Variants in ZNF408 observed in about 807,000 individuals in gnomAD.
ZNF408 encodes the protein PR domain zinc finger protein 17.
In ZNF408, 24 loss-of-function variants were observed where a neutral mutation model predicts 27.6. That is an observed-to-expected ratio of 0.87 (90% CI 0.63 to 1.22). The LOEUF (loss-of-function observed/expected upper bound fraction) is 1.22, where lower values mean the gene tolerates loss of function less well. ZNF408 is among the 50% of genes most tolerant of loss of function. The pLI, the probability that ZNF408 is intolerant of heterozygous loss-of-function variation, is 0.00. For synonymous variants in ZNF408, 410 were observed against 396.1 expected, an observed-to-expected ratio of 1.04 and a Z score of -0.42; for missense variants, 897 against 949.0, an observed-to-expected ratio of 0.95 and a Z score of 0.72.
chr11:46,702,518 G>C lies in ZNF408; in HGVS notation c.331-186G>C, dbSNP rs12574918. On this transcript the variant is annotated intron_variant, in intron 2 of 4. Transcript: ENST00000311764. ...CCCTTGGGAGGGAGGTGAGGAGACA[G>C]ACTTTTTGGTCCTTACTGAATGAAG... Among the ~76,000 whole-genome samples the C allele has an allele frequency of 0.14, 20,715 of 152,228 alleles. 1,425 individuals carry two copies. Among genetic ancestry groups the C allele is most frequent in the Non-Finnish European group, 0.16 (10,777 of 68,014 alleles).
At chr11:46,701,805 T>C (rs2064710330) in intron 2 of ZNF408, 129 bp downstream of exon 2, 2 of 1,202,512 alleles carry the variant, frequency 1.7e-6, no homozygotes, top group Non-Finnish European at 2.2e-6. Context: ...GTCCCTTCTC[T>C]TCAGGACTGT....
Position 46,705,633 on chromosome 11 carries a change from T to G in ZNF408, c.1933T>G (p.Ser645Ala), listed in dbSNP as rs1480606897. ...CSPPSVPSAA[S>A]EPTVVLLQAE... ...CCCACCCTCTGTGCCTTCTGCTGCT[T>G]CTGAGCCCACTGTGGTGCTCCTGCA... Residue 645 changes from serine to alanine, a missense_variant, in exon 5 of 5, where the codon TCT (serine) becomes GCT (alanine). Physicochemically the swap from Ser to Ala is moderately conservative, Grantham distance 99. Coordinates refer to ENST00000311764, the MANE Select transcript of ZNF408 (RefSeq NM_024741.3). The surrounding 1 kb of genome is among the most constrained non-coding windows in gnomAD (Gnocchi z 6.5). 6.2e-7 allele frequency: 1 copy of G among 1,613,224 alleles called. No homozygotes were observed. The highest frequency in any genetic ancestry group is 1.7e-5 in the Admixed American group (1 of 60,026).
intron 2 of ZNF408, 132 bp downstream of exon 2, chr11:46,701,808 A>T (rs1592397778): frequency 7.6e-6 from 9 of 1,185,042 alleles, no homozygotes; most frequent in Admixed American, 5.9e-5. Context: ...CCTTCTCTTC[A>T]GGACTGTCTC....
At chr11:46,703,730 T>G (rs2064727761) in intron 4 of ZNF408, among the ~76,000 whole-genome samples, 1 of 149,794 alleles carries the variant, frequency 6.7e-6, no homozygotes, top group African/African-American at 2.5e-5. Flanking sequence ...GGGGTTTTTT[T>G]GTTTTGTTTT....
chr11:46,702,068 C>T (rs1368278917), intron 2 of ZNF408, among the ~76,000 whole-genome samples: 2 of 152,216 alleles, frequency 1.3e-5, no homozygotes, highest in Non-Finnish European at 2.9e-5. Context: ...TAAAAGGTTT[C>T]ACTGCACAAT....
chr11:46,704,892 GC>G lies in ZNF408; in HGVS notation c.1195del (p.His399IlefsTer89). The G allele has an allele frequency of 6.2e-7, 1 of 1,611,668 alleles. No homozygotes were observed. Among genetic ancestry groups the G allele is most frequent in the Non-Finnish European group, 8.5e-7 (1 of 1,179,024 alleles). ...CTATAGCTCAGAGGAGAGCTTCAAA[GC>G]CCATATGCTGGGCCACCGTGGGGTG... is the stretch of plus-strand genomic sequence containing the variant. ...KSYSSEESFK[A>X]HMLGHRGVRP... On this transcript the variant is annotated frameshift_variant, in exon 5 of 5. Transcript: ENST00000311764. LOFTEE classifies it low-confidence loss of function (END_TRUNC).
In ZNF408 at chr11:46,705,680, C is replaced by T; in HGVS notation, c.1980C>T (p.Asp660=). The T allele has an allele frequency of 1.2e-6, 2 of 1,613,872 alleles. No individual in the cohort carries two copies. Among genetic ancestry groups the T allele is most frequent in the Non-Finnish European group, 8.5e-7 (1 of 1,179,982 alleles). Residue 660 remains aspartate (D), a synonymous_variant, in exon 5 of 5, where the codon GAC becomes GAT. Coordinates refer to ENST00000311764, the MANE Select transcript of ZNF408 (RefSeq NM_024741.3). The surrounding 1 kb of genome is among the most constrained non-coding windows in gnomAD (Gnocchi z 6.5). ...VLLQAEPQLL[D]THREEEVSPA... ...TGCAGGCTGAGCCACAACTGCTGGA[C>T]ACACACAGAGAGGAGGAAGTCTCCC...
At chr11:46,703,282 C>G in intron 4 of ZNF408, 39 bp downstream of exon 4, 1 of 1,579,860 alleles carries the variant, frequency 6.3e-7, no homozygotes, top group East Asian at 2.3e-5. Context: ...AGCAATTTCC[C>G]CACCAAAACA....
chr11:46,702,798 G>A, intron 3 of ZNF408, 33 bp downstream of exon 3: 2 of 1,613,234 alleles, frequency 1.2e-6, no homozygotes, highest in Non-Finnish European at 8.5e-7. Context: ...GTTCCTTTGA[G>A]GTTTTCTGTT....
At position 46,703,239 on chromosome 11, in the gene ZNF408, C is replaced by T. The variant is rs1565694417; in HGVS notation, c.648C>T (p.Cys216=). Residue 216 remains cysteine, a synonymous_variant, in exon 4 of 5, where the codon TGC becomes TGT. Coordinates refer to ENST00000311764, the MANE Select transcript of ZNF408 (RefSeq NM_024741.3). ...CTGGGGAGGATGCAGCAGAACCTTG[C>T]ATAGGTATGTGTCAAATAAATGCTG... ...ASPGEDAAEP[C]IDPGSQSPSG... is the part of the protein sequence containing the mutation. 8.1e-6 allele frequency: 13 copies of T among 1,611,050 alleles called. No homozygotes were observed. Among genetic ancestry groups the T allele is most frequent in the African/African-American group, 2.7e-5 (2 of 74,902 alleles).
Position 46,703,758 on chromosome 11 carries a change from G to GTTTTTTTT in ZNF408, c.652+517_652+518insTTTTTTTT, listed in dbSNP as rs371644247. On this transcript the variant is annotated intron_variant, in intron 4 of 4. Coordinates refer to ENST00000311764, the MANE Select transcript of ZNF408 (RefSeq NM_024741.3). ...TTTGTTTTGTTTTGTTGTTGTTGTT[G>GTTTTTTTT]TTGTTGTTGTTGTTTTTTTTTTTTT... Among the ~76,000 whole-genome samples, 11 of 94,156 alleles carry GTTTTTTTT rather than the reference G, an allele frequency of 1.2e-4. 2 individuals carry two copies. Among genetic ancestry groups the GTTTTTTTT allele is most frequent in the South Asian group, 7.8e-4 (2 of 2,564 alleles). 61.8% of individuals were successfully genotyped at this position (94,156 alleles called of 152,430 possible).
chr11:46,701,156 C>G, intron 1 of ZNF408, 57 bp downstream of exon 1: 1 of 1,613,396 alleles, frequency 6.2e-7, no homozygotes, highest in Non-Finnish European at 8.5e-7. Flanking sequence ...ATCTGACGCT[C>G]TGTGGTCAGC....
Position 46,705,794 on chromosome 11 carries a change from G to C in ZNF408, c.2094G>C (p.Leu698=), listed in dbSNP as rs368038451. Residue 698 remains leucine (L), a synonymous_variant, in exon 5 of 5, where the codon CTG becomes CTC. Transcript: ENST00000311764. The surrounding 1 kb of genome is among the most constrained non-coding windows in gnomAD (Gnocchi z 6.5). ...VPEEPDAAPS[L]VLIHKDMGLG... ...AGGAGCCAGATGCCGCCCCCAGCCT[G>C]GTGCTAATCCATAAGGACATGGGCC... is the stretch of plus-strand genomic sequence containing the variant. 23 of 1,611,858 alleles carry C rather than the reference G, an allele frequency of 1.4e-5. 1 individual carries two copies. In the South Asian group the frequency reaches 2.5e-4, roughly 18 times the overall value.
chr11:46,701,601 C>T lies in ZNF408; in HGVS notation c.255C>T (p.Gly85=). Residue 85 remains glycine (G), a synonymous_variant, in exon 2 of 5, where the codon GGC becomes GGT. Transcript: ENST00000311764. Reference sequence around the variant, plus strand: ...GTGTCGGGGACCCCCTGCAGCCCGGCCTGCTGTGGGGGCCGCTGGAAGAGG... The same window carrying T: ...GTGTCGGGGACCCCCTGCAGCCCGGTCTGCTGTGGGGGCCGCTGGAAGAGG... ...VWCVGDPLQP[G]LLWGPLEEES... The T allele has an allele frequency of 6.2e-7, 1 of 1,610,992 alleles. No individual in the cohort carries two copies. Among genetic ancestry groups the T allele is most frequent in the Non-Finnish European group, 8.5e-7 (1 of 1,178,284 alleles).
At position 46,704,806 on chromosome 11, in the gene ZNF408, A is replaced by G; in HGVS notation, c.1106A>G (p.Lys369Arg). Residue 369 changes from lysine to arginine, a missense_variant, in exon 5 of 5, where the codon AAG becomes AGG. Physicochemically the swap from Lys to Arg is conservative, Grantham distance 26. Coordinates refer to ENST00000311764, the MANE Select transcript of ZNF408 (RefSeq NM_024741.3). Reference protein sequence around the residue: ...GKAFLQLCHLKKHAFVHTGHK... With the variant: ...GKAFLQLCHLRKHAFVHTGHK... ...GCATTCCTACAGCTGTGCCACCTAA[A>G]GAAGCACGCATTTGTGCACACGGGC... The G allele has an allele frequency of 6.3e-7, 1 of 1,599,724 alleles. No individual in the cohort carries two copies. Among genetic ancestry groups the G allele is most frequent in the Non-Finnish European group, 8.5e-7 (1 of 1,172,328 alleles).
chr11:46,701,659 A>G lies in ZNF408; in HGVS notation c.313A>G (p.Lys105Glu). The change falls in exon 2 of 5, where the codon AAG (lysine) becomes GAG (glutamate). Residue 105 changes from lysine to glutamate, a missense_variant. Coordinates refer to ENST00000311764, the MANE Select transcript of ZNF408 (RefSeq NM_024741.3). The part of the protein sequence containing the change: ...SASKEKGEGV[K>E]PRQEENLSLG... ...CTCCAAGGAGAAGGGCGAGGGAGTA[A>G]AGCCACGGCAGGAGGAGGTATTGAA... The G allele has an allele frequency of 1.3e-6, 2 of 1,586,958 alleles. No individual in the cohort carries two copies. Among genetic ancestry groups the G allele is most frequent in the Non-Finnish European group, 8.6e-7 (1 of 1,163,452 alleles).
chr11:46,701,927 TAAG>T (rs1184262988), intron 2 of ZNF408: 1 of 373,716 alleles, frequency 2.7e-6, no homozygotes, highest in East Asian at 4.2e-5. Context: ...TTTTTGGAAT[TAAG>T]AAAGCATGGG....
At chr11:46,701,369 C>T in intron 1 of ZNF408, 30 bp from the exon 2 acceptor site, 1 of 1,605,384 alleles carries the variant, frequency 6.2e-7, no homozygotes, top group East Asian at 2.2e-5. Context: ...TCTTGGGTGG[C>T]TCCCTCACTG....
chr11:46,702,828 G>A (rs750641274), intron 3 of ZNF408, 63 bp downstream of exon 3: 38 of 1,604,380 alleles, frequency 2.4e-5, no homozygotes, highest in Non-Finnish European at 2.7e-5. Context: ...GATGGAACCC[G>A]GTGCTGACTG....
Sources: allele counts gnomAD v4.1 joint callset (sites outside exome capture counted in the v4.1 genomes callset), GRCh38; gene constraint gnomAD v4.1.1; non-coding constraint Gnocchi (gnomAD v3.1); transcripts MANE v1.5; gene names NCBI Gene and HGNC (gene_info 2026-07-23, HGNC 2026-07-21).